The following CCDC88C variants were observed in gnomAD, a reference collection of about 807,000 sequenced individuals.
CCDC88C encodes protein Daple.
A neutral mutation model predicts 198.8 loss-of-function variants in CCDC88C; 131 were observed. The observed-to-expected ratio is 0.66, with a 90% CI of 0.57 to 0.76. The LOEUF is 0.76. CCDC88C is among the 30% of genes least tolerant of loss of function. The pLI is 0.00. For missense variants in CCDC88C, 2,553 were observed against 2,631.6 expected, an observed-to-expected ratio of 0.97 and a Z score of 0.65; for synonymous variants, 1,166 against 1,114.7, an observed-to-expected ratio of 1.05 and a Z score of -0.92.
intron 6 of CCDC88C, 108 bp from the exon 7 acceptor site, chr14:91,340,132 G>C (rs1048671932): frequency 9.6e-6 from 14 of 1,461,960 alleles, no homozygotes; most frequent in Non-Finnish European, 1.1e-5. Context: ...ATCCCTCAGT[G>C]ACAAATTTAC....
intron 29 of CCDC88C, among the ~76,000 whole-genome samples, 162 bp downstream of exon 29, chr14:91,277,760 G>A (rs939951671): frequency 2.6e-5 from 4 of 152,228 alleles, no homozygotes; most frequent in African/African-American, 7.2e-5. Flanking sequence ...GCTGGCTTGC[G>A]GTGACTTGTC....
intron 3 of CCDC88C, among the ~76,000 whole-genome samples, chr14:91,380,238 T>C (rs181196154): frequency 1.9e-3 from 283 of 152,350 alleles, no homozygotes; most frequent in Non-Finnish European, 2.7e-3. Flanking sequence ...GATTCGGCTA[T>C]CTTGGGGCGG....
chr14:91,341,820 C>T (rs1342317943), intron 6 of CCDC88C, among the ~76,000 whole-genome samples: 1 of 152,248 alleles, frequency 6.6e-6, no homozygotes, highest in Non-Finnish European at 1.5e-5. Context: ...CCTCCTCCTC[C>T]ACTCCGCTGA....
intron 15 of CCDC88C, among the ~76,000 whole-genome samples, chr14:91,310,813 G>T (rs930800934): frequency 6.6e-6 from 1 of 152,150 alleles, no homozygotes; most frequent in African/African-American, 2.4e-5. Context: ...GATAGTGACC[G>T]TTTTCTGCCT....
intron 19 of CCDC88C, among the ~76,000 whole-genome samples, chr14:91,304,421 A>G (rs1022406487): frequency 3.3e-5 from 5 of 151,940 alleles, no homozygotes; most frequent in African/African-American, 1.2e-4. Flanking sequence ...CATCTCTACA[A>G]AAAAAAAGTA....
chr14:91,371,570 C>T lies in CCDC88C; in HGVS notation c.271-11859G>A, dbSNP rs908745973. Among the ~76,000 whole-genome samples, 1 of 152,112 alleles carries T rather than the reference C, an allele frequency of 6.6e-6. No individual in the cohort carries two copies. Among genetic ancestry groups the T allele is most frequent in the Non-Finnish European group, 1.5e-5 (1 of 68,002 alleles). On this transcript the variant is annotated intron_variant, in intron 3 of 29. Coordinates refer to ENST00000389857, the MANE Select transcript of CCDC88C (RefSeq NM_001080414.4). This position sits in a 1 kb window ranked among gnomAD's most constrained non-coding sequence, Gnocchi z 4.2. ...AGCCTGTGGAGTCACAGACTGGGAC[C>T]AAGACTGCCTCCCACACCCTCCAGT...
chr14:91,340,045 G>A (rs1002312932), intron 6 of CCDC88C, 21 bp from the exon 7 acceptor site: 1 of 1,607,942 alleles, frequency 6.2e-7, no homozygotes, highest in Non-Finnish European at 8.5e-7. Flanking sequence ...ACATGGCAGG[G>A]CACTGCAGGG....
chr14:91,393,535 A>G (rs796648382), intron 3 of CCDC88C, among the ~76,000 whole-genome samples: 30 of 152,326 alleles, frequency 2.0e-4, no homozygotes, highest in African/African-American at 7.2e-4. Context: ...TAACTGCCCC[A>G]GGTGGTTATC....
Position 91,338,473 on chromosome 14 carries a change from C to A in CCDC88C, c.891+16G>T. The A allele has an allele frequency of 6.4e-7, 1 of 1,555,608 alleles. No individual in the cohort carries two copies. The highest frequency in any genetic ancestry group is 8.7e-7 in the Non-Finnish European group (1 of 1,149,100). On this transcript the variant is annotated intron_variant, in intron 9 of 29. Transcript: ENST00000389857. This position sits in a 1 kb window ranked among gnomAD's most constrained non-coding sequence, Gnocchi z 4.8. ...CTGCTACCCCCAGGACACACAGGCT[C>A]AGGCCCCCGACTCACCTCCTGCTTA...
chr14:91,308,724 TAC>T (rs1189871541), intron 16 of CCDC88C, among the ~76,000 whole-genome samples: 2 of 152,162 alleles, frequency 1.3e-5, no homozygotes, highest in Non-Finnish European at 2.9e-5. Flanking sequence ...GCTACAGTTT[TAC>T]AGTCACTGTC....
chr14:91,321,618 G>A (rs1340161395), intron 12 of CCDC88C, among the ~76,000 whole-genome samples: 1 of 152,176 alleles, frequency 6.6e-6, no homozygotes, highest in African/African-American at 2.4e-5. Flanking sequence ...TATCCTAACT[G>A]TCCAATCAAG....
At chr14:91,276,010 C>T (rs930241131) in intron 29 of CCDC88C, among the ~76,000 whole-genome samples, 2 of 151,312 alleles carry the variant, frequency 1.3e-5, no homozygotes, top group African/African-American at 4.9e-5. Context: ...TTAGTAGAGA[C>T]GGGGTTTCAC....
chr14:91,314,699 T>C (rs1304799343), intron 14 of CCDC88C, among the ~76,000 whole-genome samples: 1 of 152,232 alleles, frequency 6.6e-6, no homozygotes, highest in Non-Finnish European at 1.5e-5. Flanking sequence ...AGCACCCTCC[T>C]GAGATCATCT....
At chr14:91,384,786 G>A (rs528670183) in intron 3 of CCDC88C, among the ~76,000 whole-genome samples, 17 of 152,182 alleles carry the variant, frequency 1.1e-4, no homozygotes, top group African/African-American at 3.1e-4. Flanking sequence ...GCTGGACTCC[G>A]GATCCTGGAG....
chr14:91,299,005 C>T (rs994473326), intron 21 of CCDC88C, among the ~76,000 whole-genome samples: 1 of 152,206 alleles, frequency 6.6e-6, no homozygotes, highest in East Asian at 1.9e-4. Flanking sequence ...AGTCGATTCT[C>T]ATTATGTGTG....
At chr14:91,326,989 GGAA>G (rs949575358) in intron 10 of CCDC88C, among the ~76,000 whole-genome samples, 8 of 152,196 alleles carry the variant, frequency 5.3e-5, no homozygotes, top group Non-Finnish European at 1.2e-4. Flanking sequence ...TGTGCACAAG[GGAA>G]GAAGTCAGTC....
At chr14:91,320,097 G>A (rs74339801) in intron 13 of CCDC88C, among the ~76,000 whole-genome samples, 3,259 of 147,530 alleles carry the variant, frequency 0.022, 63 homozygotes, top group Non-Finnish European at 0.033. Flanking sequence ...CACAAGTTTC[G>A]AAAACCCTTG....
intron 3 of CCDC88C, among the ~76,000 whole-genome samples, chr14:91,385,373 C>T (rs191162040): frequency 3.3e-5 from 5 of 151,996 alleles, no homozygotes; most frequent in Non-Finnish European, 5.9e-5. Context: ...CATCAGGCCT[C>T]GATTCTGACA....
intron 20 of CCDC88C, among the ~76,000 whole-genome samples, chr14:91,302,855 C>T (rs188205327): frequency 6.7e-4 from 102 of 152,210 alleles, no homozygotes; most frequent in Non-Finnish European, 9.3e-4. Flanking sequence ...CCCCTACAAA[C>T]GGAGCCGTGG....
Sources: allele counts gnomAD v4.1 joint callset (sites outside exome capture counted in the v4.1 genomes callset), GRCh38; gene constraint gnomAD v4.1.1; non-coding constraint Gnocchi (gnomAD v3.1); transcripts MANE v1.5; gene names NCBI Gene and HGNC (gene_info 2026-07-23, HGNC 2026-07-21).